LYG1: variants seen among roughly 807,000 people sequenced by gnomAD.
LYG1 encodes lysozyme g1, also known as lysozyme g-like protein 1.
In LYG1, 17 loss-of-function variants were observed where a neutral mutation model predicts 21.7. The ratio of observed to expected loss-of-function variants is 0.78; its 90% CI spans 0.54 to 1.18. LYG1 has a LOEUF of 1.18. LYG1 is among the 50% of genes most tolerant of loss of function. The pLI is 0.00. For synonymous variants in LYG1, 81 were observed against 87.4 expected, an observed-to-expected ratio of 0.93 and a Z score of 0.41; for missense variants, 211 against 238.1, an observed-to-expected ratio of 0.89 and a Z score of 0.75.
chr2:99,292,537 A>C lies in LYG1; in HGVS notation c.147T>G (p.Cys49Trp), dbSNP rs1358087064. 1 of 1,611,712 alleles carries C rather than the reference A, an allele frequency of 6.2e-7. No homozygotes were observed. The highest frequency in any genetic ancestry group is 1.7e-5 in the Admixed American group (1 of 60,020). Residue 49 changes from cysteine to tryptophan, a missense_variant and splice_region_variant, in exon 4 of 7, where the codon TGT (cysteine) becomes TGG (tryptophan). Physicochemically the swap from Cys to Trp is radical, Grantham distance 215. Transcript: ENST00000308528. Reference sequence around the variant, plus strand: ...GAGAGGGCGAAAGCTCATAGCTACCACAGTAGTTCAGGCCGTGACGTCTTC... The same window carrying C: ...GAGAGGGCGAAAGCTCATAGCTACCCCAGTAGTTCAGGCCGTGACGTCTTC... ...GIGRRHGLNY[C>W]GVRASERLAE...
Position 99,291,312 on chromosome 2 carries a change from G to A in LYG1, c.258C>T (p.Ile86=), listed in dbSNP as rs762574941. The A allele has an allele frequency of 2.5e-6, 4 of 1,613,514 alleles. No homozygotes were observed. The highest frequency in any genetic ancestry group is 2.5e-6 in the Non-Finnish European group (3 of 1,179,646). ...GQKYCMDPAV[I]AGVLSRKSPG... ...GAGACTTCCTGGACAAGACACCAGC[G>A]ATCACGGCAGGATCCATGCAGTACT... Residue 86 remains isoleucine (I), a synonymous_variant, in exon 5 of 7, where the codon ATC becomes ATT. Coordinates refer to ENST00000308528, the MANE Select transcript of LYG1 (RefSeq NM_174898.3).
chr2:99,303,715 G>A (rs902626498), upstream of LYG1, among the ~76,000 whole-genome samples: 5 of 152,336 alleles, frequency 3.3e-5, no homozygotes, highest in African/African-American at 1.2e-4. Flanking sequence ...CGGGGCTATG[G>A]CTTGGCTGTG....
rs904177088 is a variant in LYG1, at chr2:99,292,387, C to T, written c.148+149G>A. On this transcript the variant is annotated intron_variant, in intron 4 of 6. Transcript: ENST00000308528. ...AAATACCGTACTGCTAGCCGCCTTG[C>T]CACGGATGCAGGGGCAGCTAAGTGA... The T allele has an allele frequency of 4.9e-5, 31 of 630,454 alleles. No individual in the cohort carries two copies. In the Middle Eastern group the frequency reaches 1.3e-3, roughly 26 times the overall value. The allele number at this position is 630,454 out of a possible 1,614,324, so 39.1% of individuals were successfully genotyped here. A position where few individuals can be genotyped will look rare whatever the true frequency, so the allele number is the denominator to read the frequency against.
At chr2:99,286,734 T>A (rs897780694) in intron 5 of LYG1, among the ~76,000 whole-genome samples, 1 of 152,008 alleles carries the variant, frequency 6.6e-6, no homozygotes, top group Non-Finnish European at 1.5e-5. Context: ...TAAAAATTAA[T>A]ACCATATGAT....
chr2:99,296,723 G>C (rs1470250590), intron 2 of LYG1, among the ~76,000 whole-genome samples: 2 of 152,166 alleles, frequency 1.3e-5, no homozygotes, highest in Non-Finnish European at 2.9e-5. Flanking sequence ...ATTACATGTA[G>C]GAATGTGCAT....
At chr2:99,299,285 T>C (rs968953511) in intron 1 of LYG1, among the ~76,000 whole-genome samples, 27 of 136,314 alleles carry the variant, frequency 2.0e-4, no homozygotes, top group Admixed American at 1.5e-4. Flanking sequence ...TCTTTTTTTC[T>C]TTTTTTTTTT....
upstream of LYG1, among the ~76,000 whole-genome samples, chr2:99,303,339 C>T (rs1252321718): frequency 4.6e-5 from 7 of 152,096 alleles, no homozygotes; most frequent in Non-Finnish European, 1.0e-4. Flanking sequence ...TGCCCAGCTC[C>T]ACCTACAAAA....
At chr2:99,302,411 A>G (rs1309590989), upstream of LYG1, among the ~76,000 whole-genome samples, 1 of 152,150 alleles carries the variant, frequency 6.6e-6, no homozygotes, top group African/African-American at 2.4e-5. Context: ...TGAATCAGTC[A>G]ATGACTGAAG....
At chr2:99,302,384 G>GTTGATTAC (rs1479229168), upstream of LYG1, among the ~76,000 whole-genome samples, 24 of 152,282 alleles carry the variant, frequency 1.6e-4, 1 homozygote, top group South Asian at 2.3e-3. Flanking sequence ...CACTGTAAGT[G>GTTGATTAC]TTCAGTAAAT....
chr2:99,297,533 C>T (rs2094140471), intron 2 of LYG1, among the ~76,000 whole-genome samples: 1 of 152,120 alleles, frequency 6.6e-6, no homozygotes, highest in Non-Finnish European at 1.5e-5. Context: ...AGGAGAGCTA[C>T]CGTATTTTCC....
intron 4 of LYG1, among the ~76,000 whole-genome samples, chr2:99,292,189 G>T (rs1484341121): frequency 2.0e-5 from 3 of 152,158 alleles, no homozygotes; most frequent in Admixed American, 6.5e-5. Context: ...GGAGGCTGAG[G>T]CAGGAGAATC....
upstream of LYG1, among the ~76,000 whole-genome samples, chr2:99,303,049 T>C (rs1381830202): frequency 1.3e-5 from 2 of 151,710 alleles, no homozygotes; most frequent in South Asian, 2.1e-4. Context: ...TGTTTTTCTC[T>C]ACTTGTGACT....
intron 2 of LYG1, 105 bp from the exon 3 acceptor site, chr2:99,295,807 T>C (rs1041139516): frequency 4.7e-6 from 5 of 1,071,488 alleles, no homozygotes; most frequent in Non-Finnish European, 5.6e-6. Context: ...AATTTCCCCA[T>C]ATCTGACCTA....
At chr2:99,290,951 G>T (rs1041776342) in intron 5 of LYG1, among the ~76,000 whole-genome samples, 1 of 152,194 alleles carries the variant, frequency 6.6e-6, no homozygotes, top group Non-Finnish European at 1.5e-5. Context: ...ACTGAGGAAA[G>T]ATTTAATCTG....
At chr2:99,289,839 G>GTTT (rs1356115127) in intron 5 of LYG1, among the ~76,000 whole-genome samples, 1 of 134,644 alleles carries the variant, frequency 7.4e-6, no homozygotes, top group Non-Finnish European at 1.7e-5. Context: ...GAATTCTCTT[G>GTTT]TTTGTTGTTG....
At chr2:99,304,519 G>C (rs2094161719), upstream of LYG1, 1 of 152,404 alleles carries the variant, frequency 6.6e-6, no homozygotes, top group South Asian at 2.1e-4. Context: ...ATCTATTTTA[G>C]AGGTGGAATT....
At chr2:99,288,529 T>A (rs918829710) in intron 5 of LYG1, among the ~76,000 whole-genome samples, 2 of 149,782 alleles carry the variant, frequency 1.3e-5, no homozygotes, top group African/African-American at 4.9e-5. Context: ...AATGTGTCTC[T>A]CTTTTTCTAC....
rs376718181 is a variant in LYG1 at position 99,284,536 on chromosome 2, G to C, written c.467-25C>G. On this transcript the variant is annotated intron_variant, in intron 6 of 6. Transcript: ENST00000308528. The stretch of plus-strand genomic sequence containing the variant: ...CCTGAAATGCATGAGATAGGTTAAT[G>C]CTGACCTAGGGTACTCAGCAGTTAA... The C allele has an allele frequency of 3.7e-6, 6 of 1,609,040 alleles. No individual in the cohort carries two copies. In the African/African-American group the frequency reaches 8.0e-5, roughly 22 times the overall value.
chr2:99,288,414 C>T (rs1321893717), intron 5 of LYG1, among the ~76,000 whole-genome samples: 1 of 152,068 alleles, frequency 6.6e-6, no homozygotes, highest in Non-Finnish European at 1.5e-5. Flanking sequence ...GGCTTTTAAT[C>T]TCGTTCATAC....
Sources: allele counts gnomAD v4.1 joint callset (sites outside exome capture counted in the v4.1 genomes callset), GRCh38; gene constraint gnomAD v4.1.1; transcripts MANE v1.5; gene names NCBI Gene and HGNC (gene_info 2026-07-23, HGNC 2026-07-21).